TMEM132D: variants seen among roughly 807,000 people sequenced by gnomAD.
TMEM132D encodes the protein mature OL transmembrane protein.
TMEM132D carries 21 observed loss-of-function variants against 62.3 expected under a neutral mutation model. The ratio of observed to expected loss-of-function variants is 0.34; its 90% confidence interval spans 0.24 to 0.49. The LOEUF (loss-of-function observed/expected upper bound fraction) is 0.49, where lower values mean the gene tolerates loss of function less well. Ranked by LOEUF, TMEM132D falls within the 20% of genes least tolerant of loss-of-function variation. The pLI is 0.99. For missense variants in TMEM132D, 1,346 were observed against 1,402.8 expected, an observed-to-expected ratio of 0.96 and a Z score of 0.65; for synonymous variants, 621 against 575.6, an observed-to-expected ratio of 1.08 and a Z score of -1.13.
chr12:129,198,869 A>G (rs965488280), intron 5 of TMEM132D, among the ~76,000 whole-genome samples: 11 of 152,128 alleles, frequency 7.2e-5, no homozygotes, highest in African/African-American at 2.4e-5. Context: ...TTTTTCATAA[A>G]TCTTAACATC....
intron 3 of TMEM132D, among the ~76,000 whole-genome samples, chr12:129,434,379 C>T (rs1566067507): frequency 1.3e-5 from 2 of 152,172 alleles, no homozygotes; most frequent in South Asian, 2.1e-4. Context: ...TGAATATGGA[C>T]GAGTTACTTA....
chr12:129,422,051 T>G (rs1388643376), intron 3 of TMEM132D, among the ~76,000 whole-genome samples: 1 of 142,500 alleles, frequency 7.0e-6, no homozygotes, highest in African/African-American at 2.6e-5. Flanking sequence ...GTTTCAATTA[T>G]AAAATTCACT....
chr12:129,126,411 C>T (rs1367876225), intron 5 of TMEM132D, among the ~76,000 whole-genome samples: 1 of 150,150 alleles, frequency 6.7e-6, no homozygotes, highest in Non-Finnish European at 1.5e-5. Context: ...CCCCTTCAAC[C>T]TTTCTCCCAG....
chr12:129,799,514 G>A (rs750381520), intron 1 of TMEM132D, among the ~76,000 whole-genome samples: 9 of 152,022 alleles, frequency 5.9e-5, no homozygotes, highest in South Asian at 2.1e-4. Context: ...CTCAGATTCC[G>A]AGGTCAGCCA....
chr12:129,099,066 C>T (rs935973165), intron 5 of TMEM132D, among the ~76,000 whole-genome samples: 8 of 152,140 alleles, frequency 5.3e-5, no homozygotes, highest in African/African-American at 1.7e-4. Context: ...TCAACACAGC[C>T]GGATAGACTT....
intron 3 of TMEM132D, among the ~76,000 whole-genome samples, chr12:129,515,386 A>C (rs1009159267): frequency 6.6e-5 from 10 of 152,220 alleles, no homozygotes; most frequent in African/African-American, 2.4e-4. Flanking sequence ...ATGAATGAAC[A>C]AATTGGTAGG....
intron 1 of TMEM132D, among the ~76,000 whole-genome samples, chr12:129,865,862 AT>A (rs1176588384): frequency 6.6e-6 from 1 of 152,204 alleles, no homozygotes; most frequent in Non-Finnish European, 1.5e-5. Flanking sequence ...CACGGGACTA[AT>A]GAGTCAAGAA....
intron 2 of TMEM132D, among the ~76,000 whole-genome samples, chr12:129,628,951 CTCTCA>C (rs1879289203): frequency 1.3e-5 from 2 of 151,684 alleles, no homozygotes; most frequent in South Asian, 2.1e-4. Flanking sequence ...CTCTCTTTCT[CTCTCA>C]TGTCTTTTTC....
intron 5 of TMEM132D, among the ~76,000 whole-genome samples, chr12:129,112,640 C>G (rs2398448): frequency 0.99 from 150,509 of 152,290 alleles, 74,397 homozygotes; most frequent in East Asian, 1. Context: ...TCCAGCCTGG[C>G]CAACAAAAGC....
intron 4 of TMEM132D, among the ~76,000 whole-genome samples, chr12:129,300,167 C>T (rs760560184): frequency 3.9e-5 from 6 of 152,142 alleles, no homozygotes; most frequent in Non-Finnish European, 7.3e-5. Flanking sequence ...ATGGAGAATA[C>T]TTGAGCCAGC....
chr12:129,266,786 C>T (rs117043263), intron 4 of TMEM132D, among the ~76,000 whole-genome samples: 2,940 of 152,112 alleles, frequency 0.019, 55 homozygotes, highest in Non-Finnish European at 0.029. Context: ...TAAGATTGAC[C>T]TCCTAAATGC....
chr12:129,530,144 T>A (rs909391554), intron 3 of TMEM132D, among the ~76,000 whole-genome samples: 1 of 152,204 alleles, frequency 6.6e-6, no homozygotes, highest in African/African-American at 2.4e-5. Flanking sequence ...CCACATTGGT[T>A]TCAAATGCTC....
At chr12:129,168,239 T>C (rs1166074933) in intron 5 of TMEM132D, among the ~76,000 whole-genome samples, 1 of 124,686 alleles carries the variant, frequency 8.0e-6, no homozygotes, top group Non-Finnish European at 1.6e-5. Context: ...TCAATCCATC[T>C]CCTCTTTTGG....
intron 4 of TMEM132D, among the ~76,000 whole-genome samples, chr12:129,234,414 A>T (rs1435444254): frequency 6.6e-6 from 1 of 152,226 alleles, no homozygotes; most frequent in Non-Finnish European, 1.5e-5. Context: ...CTAAATAGCT[A>T]ATCTTTTCAC....
chr12:129,292,445 G>A (rs780357833), intron 4 of TMEM132D, among the ~76,000 whole-genome samples: 4 of 152,184 alleles, frequency 2.6e-5, no homozygotes, highest in Non-Finnish European at 4.4e-5. Context: ...ACACCCATGA[G>A]CGCAAATGAG....
At chr12:129,186,093 C>G (rs569844912) in intron 5 of TMEM132D, among the ~76,000 whole-genome samples, 3 of 152,270 alleles carry the variant, frequency 2.0e-5, no homozygotes, top group Admixed American at 6.5e-5. Flanking sequence ...TCTGCCAGAC[C>G]CTTCCATTAG....
intron 3 of TMEM132D, among the ~76,000 whole-genome samples, chr12:129,354,613 C>T (rs1275502738): frequency 6.6e-5 from 10 of 152,264 alleles, no homozygotes; most frequent in African/African-American, 1.4e-4. Context: ...TGAGCCACTG[C>T]GCCCAGTCTT....
intron 3 of TMEM132D, among the ~76,000 whole-genome samples, chr12:129,413,411 G>T: frequency 6.6e-6 from 1 of 152,196 alleles, no homozygotes; most frequent in East Asian, 1.9e-4. Flanking sequence ...GTGGAACAGT[G>T]AATCCATTAA....
At position 129,209,937 on chromosome 12, in the gene TMEM132D, CA is replaced by C; in HGVS notation, c.1300-275del. The C allele has an allele frequency of 6.9e-6, 3 of 437,426 alleles. No individual in the cohort carries two copies. In the East Asian group the frequency reaches 1.2e-4, roughly 17 times the overall value. The allele number at this position is 437,426 out of a possible 1,614,324, so 27.1% of individuals were successfully genotyped here. On this transcript the variant is annotated intron_variant, in intron 4 of 8. Coordinates refer to ENST00000422113, the MANE Select transcript of TMEM132D (RefSeq NM_133448.3). ...AATTTATTACTAATATTGTGTTTGG[CA>C]AACACTTATGTGTCAGGCACCCTTG...
Sources: allele counts gnomAD v4.1 joint callset (sites outside exome capture counted in the v4.1 genomes callset), GRCh38; gene constraint gnomAD v4.1.1; transcripts MANE v1.5; gene names NCBI Gene and HGNC (gene_info 2026-07-23, HGNC 2026-07-21).